The following ZNF282 variants were observed in gnomAD, a reference collection of about 807,000 sequenced individuals.
The protein encoded by ZNF282 is zinc finger protein 282.
Under a neutral mutation model 61.9 loss-of-function variants are expected in ZNF282, and 30 were observed. The observed-to-expected ratio is 0.48, with a 90% CI of 0.36 to 0.66. The LOEUF is 0.66. ZNF282 is among the 30% of genes least tolerant of loss of function. ZNF282 has a pLI of 0.00. For missense variants in ZNF282, 788 were observed against 941.4 expected (o/e 0.84, Z 2.13); for synonymous variants, 396 against 405.0 (o/e 0.98, Z 0.27).
chr7:149,220,758 C>G (rs577059482), intron 7 of ZNF282, among the ~76,000 whole-genome samples: 1 of 152,012 alleles, frequency 6.6e-6, no homozygotes, highest in Non-Finnish European at 1.5e-5. Context: ...CACTTACCAG[C>G]CAGTGACTGG....
In ZNF282 at chr7:149,224,716, C is replaced by T. The variant is rs1286569861; in HGVS notation, c.*69C>T. ...GCGGCCTGAGCACCAACCACCTTGC[C>T]GGGTGTCCTCAGCCACCGTCTGGAA... On this transcript the variant is annotated 3_prime_UTR_variant, in exon 8 of 8. Transcript: ENST00000610704. 4 of 1,440,408 alleles carry T rather than the reference C, an allele frequency of 2.8e-6. No homozygotes were observed. The highest frequency in any genetic ancestry group is 1.4e-5 in the African/African-American group (1 of 69,880). The allele number at this position is 1,440,408 out of a possible 1,614,324, so 89.2% of individuals were successfully genotyped here.
chr7:149,211,153 G>A (rs1221890798), intron 5 of ZNF282, among the ~76,000 whole-genome samples: 1 of 152,230 alleles, frequency 6.6e-6, no homozygotes, highest in African/African-American at 2.4e-5. Context: ...GCGGTCCTGT[G>A]AGGGACCTCC....
Position 149,224,678 on chromosome 7 carries a change from G to C in ZNF282, c.*31G>C, listed in dbSNP as rs1256780892. On this transcript the variant is annotated 3_prime_UTR_variant, in exon 8 of 8. Coordinates refer to ENST00000610704, the MANE Select transcript of ZNF282 (RefSeq NM_003575.4). ...GGCTGGGGGAGGGCAGGGCCGGACG[G>C]AGTGGATCGGGGGCGGCCTGAGCAC... 2 of 1,467,006 alleles carry C rather than the reference G, an allele frequency of 1.4e-6. No individual in the cohort carries two copies. Among genetic ancestry groups the C allele is most frequent in the African/African-American group, 2.8e-5 (2 of 71,090 alleles). 90.9% of individuals were successfully genotyped at this position (1,467,006 alleles called of 1,614,324 possible).
chr7:149,205,188 C>T (rs1795973656), intron 2 of ZNF282, among the ~76,000 whole-genome samples: 1 of 152,040 alleles, frequency 6.6e-6, no homozygotes, highest in African/African-American at 2.4e-5. Flanking sequence ...CCCTGTAATC[C>T]CAGCAATTTG....
In ZNF282 at chr7:149,224,454, G is replaced by A; in HGVS notation, c.1823G>A (p.Gly608Asp). ...GERPFQCALC[G>D]KSFIRKQNLL... ...CGGCCTTTCCAATGTGCACTGTGCG[G>A]CAAGAGCTTCATCCGCAAGCAGAAC... Residue 608 changes from glycine (G) to aspartate (D), a missense_variant, in exon 8 of 8, where the codon GGC becomes GAC. Gly to Asp is a moderately conservative substitution (Grantham distance 94). This residue lies in a region of ZNF282 where 559 missense variants were observed against 642.0 expected (regional missense o/e 0.87). Coordinates refer to ENST00000610704, the MANE Select transcript of ZNF282 (RefSeq NM_003575.4). The A allele has an allele frequency of 6.2e-7, 1 of 1,613,716 alleles. No homozygotes were observed.
chr7:149,219,962 T>C, intron 7 of ZNF282, among the ~76,000 whole-genome samples: 1 of 152,116 alleles, frequency 6.6e-6, no homozygotes, highest in South Asian at 2.1e-4. Context: ...TTGATGAGTC[T>C]TACTATGAAA....
At chr7:149,207,518 G>T in intron 4 of ZNF282, 48 bp downstream of exon 4, 2 of 1,550,740 alleles carry the variant, frequency 1.3e-6, no homozygotes, top group South Asian at 1.2e-5. Flanking sequence ...GGCGAGAGAG[G>T]ACAGCCGGCT....
chr7:149,200,165 T>C (rs1032662009), intron 2 of ZNF282, among the ~76,000 whole-genome samples: 1 of 152,240 alleles, frequency 6.6e-6, no homozygotes, highest in East Asian at 1.9e-4. Context: ...CATCTCGCTG[T>C]CTGGATTCCA....
chr7:149,206,862 C>G (rs1345282384), intron 3 of ZNF282, 40 bp downstream of exon 3: 1 of 1,611,256 alleles, frequency 6.2e-7, no homozygotes, highest in Non-Finnish European at 8.5e-7. Context: ...GCCATCTCTG[C>G]AGAGGGTTGT....
Position 149,221,922 on chromosome 7 carries a change from T to C in ZNF282, c.1181-1890T>C, listed in dbSNP as rs944995630. Among the ~76,000 whole-genome samples, 10 of 152,150 alleles carry C rather than the reference T, an allele frequency of 6.6e-5. No individual in the cohort carries two copies. In the South Asian group the frequency reaches 2.1e-3, roughly 32 times the overall value. On this transcript the variant is annotated intron_variant, in intron 7 of 7. Transcript: ENST00000610704. Reference sequence around the variant, plus strand: ...AGGGGTGTGAGCACGGAGAAAAGGATGCTGAGAAGAGGTGGGAGGCCGTCT... The same window carrying C: ...AGGGGTGTGAGCACGGAGAAAAGGACGCTGAGAAGAGGTGGGAGGCCGTCT...
At chr7:149,209,290 C>T (rs528855022) in intron 4 of ZNF282, among the ~76,000 whole-genome samples, 1 of 151,996 alleles carries the variant, frequency 6.6e-6, no homozygotes, top group African/African-American at 2.4e-5. Flanking sequence ...CCACTGCACT[C>T]CAGCCTGGGA....
Position 149,210,632 on chromosome 7 carries a change from C to G in ZNF282, c.880C>G (p.Arg294Gly). ...GCAGGATGCGTCCTCCCAGGTGAAG[C>G]GTGAGGACACCCTGTGTGTCCGGGG... is the stretch of plus-strand genomic sequence containing the variant. ...PAQDASSQVK[R>G]EDTLCVRGQR... Residue 294 changes from arginine to glycine, a missense_variant, in exon 5 of 8, where the codon CGT (arginine) becomes GGT (glycine). This residue lies in a region of ZNF282 where 559 missense variants were observed against 642.0 expected (regional missense o/e 0.87). Transcript: ENST00000610704. 2 of 1,612,384 alleles carry G rather than the reference C, an allele frequency of 1.2e-6. No individual in the cohort carries two copies. The highest frequency in any genetic ancestry group is 1.7e-6 in the Non-Finnish European group (2 of 1,179,438).
At chr7:149,196,528 C>G (rs1357549641) in intron 1 of ZNF282, among the ~76,000 whole-genome samples, 1 of 152,084 alleles carries the variant, frequency 6.6e-6, no homozygotes, top group Non-Finnish European at 1.5e-5. Flanking sequence ...GAAAGCTTGC[C>G]CAGGGAAGAC....
In ZNF282 at chr7:149,195,684, C is replaced by T. The variant is rs1331794474; in HGVS notation, c.95C>T (p.Pro32Leu). 6.3e-7 allele frequency: 1 copy of T among 1,580,918 alleles called. No individual in the cohort carries two copies. Among genetic ancestry groups the T allele is most frequent in the Admixed American group, 1.8e-5 (1 of 55,924 alleles). The part of the protein sequence containing the change: ...SGSWSWAQAL[P>L]PEEVCHQEPA... ...AGCTGGAGCTGGGCCCAGGCTCTGCCCCCGGAGGAGGTCTGCCACCAGGAG... is the reference window on the plus strand; with the variant it reads ...AGCTGGAGCTGGGCCCAGGCTCTGCTCCCGGAGGAGGTCTGCCACCAGGAG... The change falls in exon 1 of 8, where the codon CCC (proline) becomes CTC (leucine). Residue 32 changes from proline to leucine, a missense_variant. Around this residue, in one of 3 missense-constraint regions of ZNF282, gnomAD observed 137 missense variants for 135.4 expected, o/e 1.01. Transcript: ENST00000610704.
intron 4 of ZNF282, among the ~76,000 whole-genome samples, chr7:149,208,450 GCCTCGGC>G (rs959610683): frequency 2.6e-5 from 4 of 151,714 alleles, no homozygotes; most frequent in African/African-American, 9.7e-5. Flanking sequence ...TGATCCACCC[GCCTCGGC>G]CTCCCAAAGT....
rs1795864472 is a variant in ZNF282 at position 149,198,873 on chromosome 7, G to A, written c.585+121G>A. On this transcript the variant is annotated intron_variant, in intron 2 of 7. Transcript: ENST00000610704. This position sits in a 1 kb window ranked among gnomAD's most constrained non-coding sequence, Gnocchi z 4.3. ...TCTGGCTCCCCGTTATCCAATTTCA[G>A]TGTCTTCTTAAAGCCTGTCTCCACT... The A allele has an allele frequency of 2.9e-6, 4 of 1,363,452 alleles. No homozygotes were observed. In the South Asian group the frequency reaches 4.4e-5, roughly 15 times the overall value. The allele number at this position is 1,363,452 out of a possible 1,614,324, so 84.5% of individuals were successfully genotyped here.
intron 7 of ZNF282, among the ~76,000 whole-genome samples, chr7:149,215,641 G>T (rs1796151390): frequency 6.6e-6 from 1 of 152,190 alleles, no homozygotes; most frequent in Admixed American, 6.5e-5. Context: ...GCCAGTGTGG[G>T]CCTGGAGGAA....
rs200499679 is a variant in ZNF282 at position 149,224,605 on chromosome 7, C to T, written c.1974C>T (p.Pro658=). ...HLRVHSGGPG[P]GAPRQLPPPP... is the part of the protein sequence containing the mutation. ...GCGTGCACAGCGGCGGCCCGGGCCC[C>T]GGCGCCCCACGGCAGCTCCCGCCGC... Residue 658 remains proline (P), a synonymous_variant, in exon 8 of 8, where the codon CCC becomes CCT. Transcript: ENST00000610704. The T allele has an allele frequency of 4.5e-6, 7 of 1,552,290 alleles. No individual in the cohort carries two copies. Among genetic ancestry groups the T allele is most frequent in the Middle Eastern group, 3.4e-4 (2 of 5,970 alleles).
chr7:149,220,925 T>TG (rs1796237744), intron 7 of ZNF282, among the ~76,000 whole-genome samples: 1 of 47,764 alleles, frequency 2.1e-5, no homozygotes, highest in Non-Finnish European at 5.3e-5. Context: ...GGGTTTTTTT[T>TG]TTTTTTTTTT....
Sources: gnomAD v4.1 joint callset for allele counts (sites outside exome capture counted in the v4.1 genomes callset) on GRCh38, gnomAD v4.1.1 for gene constraint, gnomAD v4.1.1 regional missense constraint, Gnocchi (gnomAD v3.1) non-coding constraint, MANE v1.5 for transcripts, NCBI Gene and HGNC (gene_info 2026-07-23, HGNC 2026-07-21) for gene names.